Variants in CDH8 observed in about 807,000 individuals in gnomAD.
CDH8 encodes the protein cadherin 8, also known as cadherin-8.
In CDH8, 17 loss-of-function variants were observed where a neutral mutation model predicts 68.1. The observed-to-expected ratio is 0.25, with a 90% CI of 0.17 to 0.37. The LOEUF (loss-of-function observed/expected upper bound fraction) is 0.37. Among genes scored for constraint, CDH8 ranks in the 10% least tolerant of loss-of-function variants. The pLI, the probability that CDH8 is intolerant of heterozygous loss-of-function variation, is 1.00. For missense variants in CDH8, 763 were observed against 999.3 expected (o/e 0.76, Z 3.19); for synonymous variants, 372 against 365.1 (o/e 1.02, Z -0.21).
chr16:61,887,451 T>G (rs528010456), intron 3 of CDH8, among the ~76,000 whole-genome samples: 1 of 152,306 alleles, frequency 6.6e-6, no homozygotes, highest in East Asian at 1.9e-4. Context: ...AAGGTCAAGA[T>G]GCTGGCAGAC....
At chr16:61,877,759 T>C (rs1011984694) in intron 3 of CDH8, among the ~76,000 whole-genome samples, 5 of 152,016 alleles carry the variant, frequency 3.3e-5, no homozygotes, top group African/African-American at 4.8e-5. Flanking sequence ...TGTGTCTATG[T>C]GAAAGAGAAA....
At chr16:61,921,046 T>C (rs1345989487) in intron 2 of CDH8, among the ~76,000 whole-genome samples, 7 of 143,574 alleles carry the variant, frequency 4.9e-5, no homozygotes, top group South Asian at 2.2e-4. Flanking sequence ...TAGGTGGGAA[T>C]TGAACAATGA....
At chr16:61,763,966 T>C (rs77267843) in intron 8 of CDH8, among the ~76,000 whole-genome samples, 1,907 of 152,296 alleles carry the variant, frequency 0.013, 23 homozygotes, top group Non-Finnish European at 0.019. Flanking sequence ...CATGATATGC[T>C]AGTTTCTCTG....
intron 2 of CDH8, among the ~76,000 whole-genome samples, chr16:61,971,582 C>T (rs1424980034): frequency 6.6e-6 from 1 of 152,218 alleles, no homozygotes; most frequent in East Asian, 1.9e-4. Flanking sequence ...TCTGGAAGCT[C>T]TCCAAATTCA....
chr16:61,959,124 A>G lies in CDH8; in HGVS notation c.253-57651T>C, dbSNP rs189690077. Among the ~76,000 whole-genome samples, 15 of 151,794 alleles carry G rather than the reference A, an allele frequency of 9.9e-5. No homozygotes were observed. In the East Asian group the frequency reaches 2.9e-3, roughly 30 times the overall value. On this transcript the variant is annotated intron_variant, in intron 2 of 11. Coordinates refer to ENST00000577390, the MANE Select transcript of CDH8 (RefSeq NM_001796.5). ...TCTTCTTTAACACACCTTCTCCCCCATCTCCATCTCTCACCTTCATCTAAC... is the reference window on the plus strand; with the variant it reads ...TCTTCTTTAACACACCTTCTCCCCCGTCTCCATCTCTCACCTTCATCTAAC...
At chr16:62,017,816 A>G (rs1034516203) in intron 2 of CDH8, among the ~76,000 whole-genome samples, 6 of 152,040 alleles carry the variant, frequency 3.9e-5, no homozygotes, top group Non-Finnish European at 8.8e-5. Flanking sequence ...AAACTCCTCT[A>G]TCTTGCTGGG....
intron 2 of CDH8, among the ~76,000 whole-genome samples, chr16:61,947,055 A>C (rs937438525): frequency 6.6e-6 from 1 of 152,202 alleles, no homozygotes; most frequent in Non-Finnish European, 1.5e-5. Context: ...TGTCAGTATA[A>C]GGAGTTTGAA....
chr16:61,659,349 T>C (rs2142750225), intron 10 of CDH8, among the ~76,000 whole-genome samples: 1 of 152,244 alleles, frequency 6.6e-6, no homozygotes, highest in Middle Eastern at 3.4e-3. Context: ...CTCAGCTCAG[T>C]GAGGTAGAAA....
At chr16:61,823,157 A>G (rs985585303) in intron 5 of CDH8, among the ~76,000 whole-genome samples, 1 of 151,860 alleles carries the variant, frequency 6.6e-6, no homozygotes, top group African/African-American at 2.4e-5. Context: ...CAGATGTAAA[A>G]ATTCTAAAAT....
At position 61,776,327 on chromosome 16, in the gene CDH8, C is replaced by T. The variant is rs912139403; in HGVS notation, c.1414+13019G>A. Among the ~76,000 whole-genome samples the T allele has an allele frequency of 3.3e-5, 5 of 152,060 alleles. No homozygotes were observed. In the East Asian group the frequency reaches 7.7e-4, roughly 23 times the overall value. The stretch of plus-strand genomic sequence containing the variant: ...GTTAGACCCAATGTTTTCACTGGGG[C>T]AATTTGACTTCATAGCTTATGTCCT... On this transcript the variant is annotated intron_variant, in intron 8 of 11. Coordinates refer to ENST00000577390, the MANE Select transcript of CDH8 (RefSeq NM_001796.5).
chr16:61,680,997 T>A (rs749068304), intron 10 of CDH8, among the ~76,000 whole-genome samples: 2 of 151,868 alleles, frequency 1.3e-5, no homozygotes, highest in African/African-American at 2.4e-5. Flanking sequence ...TAATAGTTTT[T>A]TATATATATT....
chr16:61,707,979 A>AT (rs1567433577), intron 10 of CDH8, among the ~76,000 whole-genome samples: 1 of 152,022 alleles, frequency 6.6e-6, no homozygotes, highest in African/African-American at 2.4e-5. Flanking sequence ...AATGAAAAAC[A>AT]TTTTTTCTAA....
At chr16:61,948,712 A>T (rs545440076) in intron 2 of CDH8, among the ~76,000 whole-genome samples, 1 of 152,352 alleles carries the variant, frequency 6.6e-6, no homozygotes, top group East Asian at 1.9e-4. Context: ...GCTCAAGAAA[A>T]TGCTAAAGAC....
intron 7 of CDH8, among the ~76,000 whole-genome samples, chr16:61,797,410 T>C (rs1284822992): frequency 6.6e-6 from 1 of 152,108 alleles, no homozygotes; most frequent in Non-Finnish European, 1.5e-5. Context: ...CCATAACAGA[T>C]AAATGAATAA....
intron 10 of CDH8, among the ~76,000 whole-genome samples, chr16:61,671,892 C>T (rs898358226): frequency 6.6e-6 from 1 of 151,936 alleles, no homozygotes; most frequent in Non-Finnish European, 1.5e-5. Context: ...AAAAAGATAC[C>T]TGTGTAGGTC....
At chr16:61,691,628 G>A (rs1329020639) in intron 10 of CDH8, 3 of 151,622 alleles carry the variant, frequency 2.0e-5, no homozygotes, top group Non-Finnish European at 4.4e-5. Context: ...GGATCATAAC[G>A]TTAATCCACA....
chr16:61,963,210 A>AG (rs919952017), intron 2 of CDH8, among the ~76,000 whole-genome samples: 5 of 151,976 alleles, frequency 3.3e-5, no homozygotes, highest in South Asian at 4.1e-4. Context: ...CATGGTGGGG[A>AG]GGGGGGAGAC....
chr16:61,819,517 T>C (rs1390159490), intron 6 of CDH8, among the ~76,000 whole-genome samples: 1 of 152,124 alleles, frequency 6.6e-6, no homozygotes, highest in African/African-American at 2.4e-5. Context: ...TTTAAATGTT[T>C]TGTAGTTCTT....
intron 4 of CDH8, among the ~76,000 whole-genome samples, chr16:61,834,236 T>C (rs1962520695): frequency 6.6e-6 from 1 of 151,850 alleles, no homozygotes; most frequent in African/African-American, 2.4e-5. Flanking sequence ...ACAGATGTTG[T>C]TACACAGTCA....
Sources: allele counts gnomAD v4.1 joint callset (sites outside exome capture counted in the v4.1 genomes callset), GRCh38; gene constraint gnomAD v4.1.1; transcripts MANE v1.5; gene names NCBI Gene and HGNC (gene_info 2026-07-23, HGNC 2026-07-21).